The following MPHOSPH9 variants were observed in gnomAD, a reference collection of about 807,000 sequenced individuals.
MPHOSPH9 encodes M-phase phosphoprotein 9.
MPHOSPH9 carries 88 observed loss-of-function variants against 145.5 expected under a neutral mutation model. The observed-to-expected ratio is 0.60, with a 90% CI of 0.51 to 0.72. The LOEUF (loss-of-function observed/expected upper bound fraction) is 0.72. MPHOSPH9 is among the 30% of genes least tolerant of loss of function. The pLI is 0.00. For missense variants in MPHOSPH9, 1,238 were observed against 1,386.6 expected (o/e 0.89, Z 1.70); for synonymous variants, 435 against 486.2 (o/e 0.89, Z 1.39).
chr12:123,207,955 A>G (rs1186811320), intron 8 of MPHOSPH9, among the ~76,000 whole-genome samples: 2 of 151,806 alleles, frequency 1.3e-5, no homozygotes, highest in Admixed American at 6.6e-5. Context: ...TTTAAAAAAA[A>G]TGGGCCAGCG....
Position 123,212,147 on chromosome 12 carries a change from T to C in MPHOSPH9, c.1088-1985A>G, listed in dbSNP as rs2046752270. Among the ~76,000 whole-genome samples the C allele has an allele frequency of 2.0e-5, 3 of 152,062 alleles. No individual in the cohort carries two copies. In the South Asian group the frequency reaches 6.2e-4, roughly 31 times the overall value. On this transcript the variant is annotated intron_variant, in intron 7 of 23. Transcript: ENST00000606320. ...AGTATATAGGTGGTAAGCACTCTGA[T>C]GAGATTTTAAAATAGGATAAAGGGG...
intron 7 of MPHOSPH9, among the ~76,000 whole-genome samples, chr12:123,212,350 C>A (rs1158181677): frequency 6.6e-6 from 1 of 152,064 alleles, no homozygotes; most frequent in Non-Finnish European, 1.5e-5. Context: ...GTCCTAAAAC[C>A]TATCTGGGAC....
rs1029657357 is a variant in MPHOSPH9 at position 123,156,338 on chromosome 12, C to T, written c.*469G>A. 1 of 152,502 alleles carries T rather than the reference C, an allele frequency of 6.6e-6. No homozygotes were observed. The highest frequency in any genetic ancestry group is 1.5e-5 in the Non-Finnish European group (1 of 68,144). 9.4% of individuals were successfully genotyped at this position (152,502 alleles called of 1,614,324 possible). A position where few individuals can be genotyped will look rare whatever the true frequency, so the allele number is the denominator to read the frequency against. On this transcript the variant is annotated 3_prime_UTR_variant, in exon 24 of 24. Coordinates refer to ENST00000606320, the MANE Select transcript of MPHOSPH9 (RefSeq NM_022782.4). ...CATTATCATTTTTTAAAAACCTCAA[C>T]ACAACTGAAATCCAAGGTACACTGT...
At chr12:123,175,360 A>C (rs1210729842) in intron 16 of MPHOSPH9, among the ~76,000 whole-genome samples, 2 of 152,008 alleles carry the variant, frequency 1.3e-5, no homozygotes, top group Non-Finnish European at 2.9e-5. Flanking sequence ...TCATCGTGTT[A>C]GCCAGGATGG....
intron 8 of MPHOSPH9, among the ~76,000 whole-genome samples, chr12:123,204,673 G>A (rs953747005): frequency 2.0e-5 from 3 of 152,146 alleles, no homozygotes; most frequent in East Asian, 1.9e-4. Flanking sequence ...TCGGGAGTTC[G>A]AGACCAGCCT....
intron 8 of MPHOSPH9, among the ~76,000 whole-genome samples, chr12:123,209,163 C>G (rs2046582703): frequency 1.3e-5 from 2 of 152,040 alleles, no homozygotes; most frequent in Admixed American, 1.3e-4. Flanking sequence ...GAACTCCCAA[C>G]CTCAGGTGAT....
intron 12 of MPHOSPH9, among the ~76,000 whole-genome samples, chr12:123,196,395 A>G (rs1201162831): frequency 6.6e-6 from 1 of 152,134 alleles, no homozygotes; most frequent in African/African-American, 2.4e-5. Context: ...TTTTGTTCAT[A>G]AGGCCATATG....
chr12:123,202,892 C>T lies in MPHOSPH9; in HGVS notation c.1513G>A (p.Gly505Arg). ...GTGTGTGAGGGATATTTTGGAAATCCAGGTAACTGAGAAGTGACATTACTT... is the reference window on the plus strand; with the variant it reads ...GTGTGTGAGGGATATTTTGGAAATCTAGGTAACTGAGAAGTGACATTACTT... ...QASNVTSQLP[G>R]FPKYPSHTKA... The change falls in exon 10 of 24, where the codon GGA becomes AGA. Residue 505 changes from glycine (G) to arginine (R), a missense_variant. By Grantham distance (125) the Gly-to-Arg change is moderately radical. Transcript: ENST00000606320. The T allele has an allele frequency of 4.3e-6, 7 of 1,614,108 alleles. No homozygotes were observed. Among genetic ancestry groups the T allele is most frequent in the Non-Finnish European group, 5.9e-6 (7 of 1,180,022 alleles).
chr12:123,209,648 G>A (rs1156666255), intron 8 of MPHOSPH9, among the ~76,000 whole-genome samples: 1 of 151,572 alleles, frequency 6.6e-6, no homozygotes, highest in African/African-American at 2.4e-5. Context: ...TACCTCAGAT[G>A]GTCTGCCCAC....
intron 13 of MPHOSPH9, among the ~76,000 whole-genome samples, chr12:123,194,112 T>C (rs553266412): frequency 6.6e-5 from 10 of 151,994 alleles, no homozygotes; most frequent in African/African-American, 2.4e-4. Context: ...TTACTAACAA[T>C]ACAAAAATTA....
chr12:123,181,168 C>G lies in MPHOSPH9; in HGVS notation c.2284G>C (p.Val762Leu), dbSNP rs776171243. 1.9e-6 allele frequency: 3 copies of G among 1,611,456 alleles called. No homozygotes were observed. Among genetic ancestry groups the G allele is most frequent in the Non-Finnish European group, 2.5e-6 (3 of 1,177,910 alleles). Reference protein sequence around the residue: ...YESLGKEHRRVKDALNTTENK... With the variant: ...YESLGKEHRRLKDALNTTENK... ...CATGAACCATTACCCCTTACCTTTACTCTCCTGTGTTCTTTTCCAAGGGAC... is the reference window on the plus strand; with the variant it reads ...CATGAACCATTACCCCTTACCTTTAGTCTCCTGTGTTCTTTTCCAAGGGAC... Residue 762 changes from valine (V) to leucine (L), a missense_variant, in exon 14 of 24, where the codon GTA (valine) becomes CTA (leucine). Around this residue, in one of 3 missense-constraint regions of MPHOSPH9, gnomAD observed 837 missense variants for 897.5 expected, o/e 0.93. Transcript: ENST00000606320.
At chr12:123,191,665 T>C (rs746911931) in intron 13 of MPHOSPH9, among the ~76,000 whole-genome samples, 4 of 152,220 alleles carry the variant, frequency 2.6e-5, no homozygotes, top group Non-Finnish European at 5.9e-5. Context: ...AAAATGAGAC[T>C]GATTCTAGGA....
intron 21 of MPHOSPH9, 50 bp downstream of exon 21, chr12:123,162,065 C>A: frequency 1.6e-6 from 2 of 1,227,122 alleles, no homozygotes; most frequent in South Asian, 1.6e-5. Flanking sequence ...ACCAGAATCT[C>A]AAAAAATGAA....
intron 23 of MPHOSPH9, among the ~76,000 whole-genome samples, chr12:123,157,945 G>A (rs980151305): frequency 6.6e-6 from 1 of 151,700 alleles, no homozygotes; most frequent in African/African-American, 2.4e-5. Flanking sequence ...CCTCTTTCCT[G>A]TTTTTTCTGC....
intron 5 of MPHOSPH9, among the ~76,000 whole-genome samples, chr12:123,220,639 C>T (rs569090975): frequency 2.6e-5 from 4 of 152,184 alleles, no homozygotes; most frequent in South Asian, 4.2e-4. Context: ...TAACATAGCA[C>T]GCGCTCATAG....
At chr12:123,221,958 G>T in intron 4 of MPHOSPH9, 63 bp from the exon 5 acceptor site, 1 of 833,264 alleles carries the variant, frequency 1.2e-6, no homozygotes. Context: ...TTTTATGACT[G>T]TTACAAGAAT....
chr12:123,157,905 CAAAT>C (rs1183879608), intron 23 of MPHOSPH9, among the ~76,000 whole-genome samples: 1 of 151,374 alleles, frequency 6.6e-6, no homozygotes, highest in East Asian at 1.9e-4. Context: ...ATTTAGAAGA[CAAAT>C]AAGCAAAAAA....
Position 123,162,221 on chromosome 12 carries a change from A to AT in MPHOSPH9, c.3030-4dup. On this transcript the variant is annotated splice_polypyrimidine_tract_variant and splice_region_variant and intron_variant, in intron 20 of 23. Transcript: ENST00000606320. Reference sequence around the variant, plus strand: ...AATCATCCAAAAGTATATCAAATCTATTGAATGAAGCAAGTTACTTGTGAG... The same window carrying AT: ...AATCATCCAAAAGTATATCAAATCTATTTGAATGAAGCAAGTTACTTGTGAG... The AT allele has an allele frequency of 6.8e-7, 1 of 1,461,594 alleles. No individual in the cohort carries two copies. Among genetic ancestry groups the AT allele is most frequent in the South Asian group, 1.5e-5 (1 of 66,722 alleles). 90.5% of individuals were successfully genotyped at this position (1,461,594 alleles called of 1,614,324 possible). A position where few individuals can be genotyped will look rare whatever the true frequency, so the allele number is the denominator to read the frequency against.
At chr12:123,215,867 G>A (rs2046930961) in intron 6 of MPHOSPH9, among the ~76,000 whole-genome samples, 1 of 152,140 alleles carries the variant, frequency 6.6e-6, no homozygotes, top group African/African-American at 2.4e-5. Context: ...ATTAACACAT[G>A]AGCCTTATAA....
Sources: allele counts gnomAD v4.1 joint callset (sites outside exome capture counted in the v4.1 genomes callset), GRCh38; gene constraint gnomAD v4.1.1; regional missense constraint gnomAD v4.1.1; transcripts MANE v1.5; gene names NCBI Gene and HGNC (gene_info 2026-07-23, HGNC 2026-07-21).